Variants in SNAP91 observed in about 807,000 individuals in gnomAD.
The protein encoded by SNAP91 is synaptosome associated protein 91, also known as clathrin coat assembly protein AP180.
In SNAP91, 27 loss-of-function variants were observed where a neutral mutation model predicts 100.3. The ratio of observed to expected loss-of-function variants is 0.27; its 90% CI spans 0.20 to 0.37. The LOEUF (loss-of-function observed/expected upper bound fraction) is 0.37. Ranked by LOEUF, SNAP91 falls within the 10% of genes least tolerant of loss-of-function variation. The pLI is 1.00. For synonymous variants in SNAP91, 404 were observed against 398.6 expected (o/e 1.01, Z -0.16); for missense variants, 986 against 1,123.7 (o/e 0.88, Z 1.75).
chr6:83,688,736 C>G lies in SNAP91; in HGVS notation c.130+19062G>C, dbSNP rs143587201. Among the ~76,000 whole-genome samples, 357 of 152,182 alleles carry G rather than the reference C, an allele frequency of 2.3e-3. 4 individuals carry two copies. The highest frequency in any genetic ancestry group is 0.017 in the Middle Eastern group (5 of 294). ...GCCAGGATGGCTTTGATCTCTTGAC[C>G]TTGTGATCCACCCACTTCAGCCTCC... On this transcript the variant is annotated intron_variant, in intron 2 of 29. Coordinates refer to ENST00000369694, the MANE Select transcript of SNAP91 (RefSeq NM_001242792.2).
intron 14 of SNAP91, 25 bp downstream of exon 14, chr6:83,605,660 G>T (rs1583382973): frequency 6.4e-7 from 1 of 1,550,404 alleles, no homozygotes; most frequent in South Asian, 1.2e-5. Flanking sequence ...ATAGAGAAAT[G>T]GCAAGGTTGT....
In SNAP91 at chr6:83,657,092, T is replaced by TTA. The variant is rs199659960; in HGVS notation, c.547-229_547-228dup. 2.5e-3 allele frequency among the ~76,000 whole-genome samples: 388 copies of TTA among 152,198 alleles called. 3 individuals are homozygous for TTA. Among genetic ancestry groups the TTA allele is most frequent in the African/African-American group, 2.7e-3 (114 of 41,516 alleles). ...ATCGATTAAAAGACAGATATATGCATTATATATATATGTGTTTATATAGAT... is the reference window on the plus strand; with the variant it reads ...ATCGATTAAAAGACAGATATATGCATTATATATATATATGTGTTTATATAGAT... On this transcript the variant is annotated intron_variant, in intron 6 of 29. Coordinates refer to ENST00000369694, the MANE Select transcript of SNAP91 (RefSeq NM_001242792.2).
intron 16 of SNAP91, among the ~76,000 whole-genome samples, chr6:83,598,257 T>C (rs1285143953): frequency 6.6e-6 from 1 of 152,208 alleles, no homozygotes; most frequent in African/African-American, 2.4e-5. Context: ...TGCAATCCTG[T>C]TCTGCATGAT....
chr6:83,583,007 C>T (rs970294450), intron 22 of SNAP91, among the ~76,000 whole-genome samples: 9 of 152,286 alleles, frequency 5.9e-5, no homozygotes, highest in African/African-American at 2.2e-4. Context: ...AATCTTCTAT[C>T]AGCTTCCCAT....
chr6:83,665,567 T>C lies in SNAP91; in HGVS notation c.145A>G (p.Thr49Ala). Residue 49 changes from threonine (T) to alanine (A), a missense_variant, in exon 3 of 30, where the codon ACC becomes GCC. Around this residue, in one of 4 missense-constraint regions of SNAP91, gnomAD observed 330 missense variants for 447.5 expected, o/e 0.74. Coordinates refer to ENST00000369694, the MANE Select transcript of SNAP91 (RefSeq NM_001242792.2). ...KKHLDYLIQA[T>A]NETNVNIPQM... is the part of the protein sequence containing the mutation. The stretch of plus-strand genomic sequence containing the variant: ...GGAATATTAACATTGGTCTCGTTGG[T>C]AGCCTGGATCAAATCTATGAAAATA... 1 of 1,610,852 alleles carries C rather than the reference T, an allele frequency of 6.2e-7. No individual in the cohort carries two copies. The highest frequency in any genetic ancestry group is 8.5e-7 in the Non-Finnish European group (1 of 1,178,798).
At chr6:83,671,989 T>G (rs1301587589) in intron 2 of SNAP91, among the ~76,000 whole-genome samples, 1 of 152,092 alleles carries the variant, frequency 6.6e-6, no homozygotes, top group East Asian at 1.9e-4. Flanking sequence ...TAGCTGTCAC[T>G]TGCTCAAAAC....
intron 2 of SNAP91, among the ~76,000 whole-genome samples, chr6:83,695,396 A>C (rs1401116952): frequency 2.6e-5 from 4 of 151,992 alleles, no homozygotes; most frequent in Non-Finnish European, 5.9e-5. Context: ...TGTCAAATAT[A>C]CTTTAACAAG....
chr6:83,594,104 A>C (rs2094175815), intron 17 of SNAP91, among the ~76,000 whole-genome samples: 1 of 152,206 alleles, frequency 6.6e-6, no homozygotes, highest in Non-Finnish European at 1.5e-5. Flanking sequence ...CAATGTTACA[A>C]AAGAGTACAA....
intron 2 of SNAP91, among the ~76,000 whole-genome samples, chr6:83,669,479 A>G (rs1478161886): frequency 6.6e-6 from 1 of 151,964 alleles, no homozygotes; most frequent in Non-Finnish European, 1.5e-5. Context: ...GTAGTTTATG[A>G]AACAGCTTTA....
chr6:83,638,673 G>T (rs1293000966), intron 8 of SNAP91, among the ~76,000 whole-genome samples: 3 of 152,120 alleles, frequency 2.0e-5, no homozygotes, highest in Non-Finnish European at 4.4e-5. Flanking sequence ...TCAGGAAAAG[G>T]TGATGTATTT....
intron 2 of SNAP91, among the ~76,000 whole-genome samples, chr6:83,699,409 C>T (rs1383712986): frequency 6.6e-6 from 1 of 150,908 alleles, no homozygotes; most frequent in Non-Finnish European, 1.5e-5. Flanking sequence ...AGTAAAAAAC[C>T]AAGAATGCAT....
chr6:83,608,125 T>C (rs1412518467), intron 12 of SNAP91, among the ~76,000 whole-genome samples: 1 of 152,168 alleles, frequency 6.6e-6, no homozygotes, highest in African/African-American at 2.4e-5. Flanking sequence ...TTAGGAAAGA[T>C]CTTACTAGCT....
chr6:83,641,192 A>G lies in SNAP91; in HGVS notation c.669T>C (p.Phe223=), dbSNP rs777782985. Residue 223 remains phenylalanine, a synonymous_variant, in exon 8 of 30, where the codon TTT becomes TTC. Coordinates refer to ENST00000369694, the MANE Select transcript of SNAP91 (RefSeq NM_001242792.2). The part of the protein sequence containing the change: ...DGVINLLEKF[F]EMKKGQCKDA... ...CTTTACATTGTCCTTTCTTCATTTC[A>G]AAAAACTTTTCTAGAGAAGATAAAG... is the stretch of plus-strand genomic sequence containing the variant. 2 of 1,450,842 alleles carry G rather than the reference A, an allele frequency of 1.4e-6. No homozygotes were observed. Among genetic ancestry groups the G allele is most frequent in the East Asian group, 5.3e-5 (2 of 37,516 alleles). 89.9% of individuals were successfully genotyped at this position (1,450,842 alleles called of 1,614,324 possible).
At chr6:83,569,785 G>A (rs1044909534) in intron 26 of SNAP91, among the ~76,000 whole-genome samples, 1 of 152,108 alleles carries the variant, frequency 6.6e-6, no homozygotes, top group Non-Finnish European at 1.5e-5. Context: ...TTTTATAAGG[G>A]GGAGTTTCCC....
intron 2 of SNAP91, among the ~76,000 whole-genome samples, chr6:83,688,943 G>T (rs1286400817): frequency 6.6e-6 from 1 of 152,170 alleles, no homozygotes; most frequent in Non-Finnish European, 1.5e-5. Context: ...AGGCTGCCGT[G>T]TCTTTTCTGT....
chr6:83,661,270 T>C (rs1182443701), intron 5 of SNAP91, among the ~76,000 whole-genome samples: 2 of 152,238 alleles, frequency 1.3e-5, no homozygotes, highest in African/African-American at 4.8e-5. Flanking sequence ...AAAAATTTTA[T>C]AGCATATAAA....
chr6:83,610,741 ATATAT>A, intron 11 of SNAP91, 64 bp from the exon 12 acceptor site: 1 of 161,316 alleles, frequency 6.2e-6, no homozygotes, highest in East Asian at 1.2e-4. Flanking sequence ...ATATATATAT[ATATAT>A]AAATATATAT....
chr6:83,701,597 C>A (rs562083594), intron 2 of SNAP91, among the ~76,000 whole-genome samples: 5 of 152,218 alleles, frequency 3.3e-5, no homozygotes, highest in East Asian at 3.9e-4. Flanking sequence ...CAGGTGCCTG[C>A]CACCACACCT....
At chr6:83,595,426 T>C (rs926912391) in intron 16 of SNAP91, among the ~76,000 whole-genome samples, 1 of 152,246 alleles carries the variant, frequency 6.6e-6, no homozygotes, top group Non-Finnish European at 1.5e-5. Flanking sequence ...AGTTTATAAA[T>C]GCCCATTTTA....
Sources: allele counts gnomAD v4.1 joint callset (sites outside exome capture counted in the v4.1 genomes callset), GRCh38; gene constraint gnomAD v4.1.1; regional missense constraint gnomAD v4.1.1; transcripts MANE v1.5; gene names NCBI Gene and HGNC (gene_info 2026-07-23, HGNC 2026-07-21).